COG5: variants seen among roughly 807,000 people sequenced by gnomAD.
The protein encoded by COG5 is conserved oligomeric Golgi complex subunit 5.
A neutral mutation model predicts 110.4 loss-of-function variants in COG5; 86 were observed. The observed-to-expected ratio is 0.78, with a 90% CI of 0.65 to 0.93. COG5 has a LOEUF of 0.93. Among genes scored for constraint, COG5 ranks in the 40% least tolerant of loss-of-function variants. COG5 has a pLI of 0.00. For synonymous variants in COG5, 360 were observed against 334.6 expected (o/e 1.08, Z -0.83); for missense variants, 1,077 against 987.0 (o/e 1.09, Z -1.22).
At chr7:107,489,722 C>A (rs1478902058) in intron 6 of COG5, among the ~76,000 whole-genome samples, 1 of 152,104 alleles carries the variant, frequency 6.6e-6, no homozygotes, top group Non-Finnish European at 1.5e-5. Flanking sequence ...AGAAAGCCTC[C>A]CAGTCATATC....
chr7:107,460,248 C>T (rs1795905910), intron 6 of COG5, among the ~76,000 whole-genome samples: 1 of 151,852 alleles, frequency 6.6e-6, no homozygotes, highest in Admixed American at 6.6e-5. Flanking sequence ...ACAAAAAATA[C>T]AAAAATTAGC....
chr7:107,306,904 C>A (rs565382624), intron 11 of COG5, among the ~76,000 whole-genome samples: 3 of 152,284 alleles, frequency 2.0e-5, no homozygotes, highest in African/African-American at 7.2e-5. Flanking sequence ...TTTCTGTTCT[C>A]TGTTTCATCC....
rs763510655 is a variant in COG5 at position 107,236,547 on chromosome 7, A to T, written c.1994T>A (p.Ile665Asn). 13 of 1,614,082 alleles carry T rather than the reference A, an allele frequency of 8.1e-6. No individual in the cohort carries two copies. Among genetic ancestry groups the T allele is most frequent in the Non-Finnish European group, 1.1e-5 (13 of 1,180,020 alleles). Residue 665 changes from isoleucine (I) to asparagine (N), a missense_variant, in exon 18 of 22, where the codon ATT becomes AAT. Coordinates refer to ENST00000297135, the MANE Select transcript of COG5 (RefSeq NM_006348.5). ...AAAAAGTTCAACAGCTCTTTGGGCA[A>T]TAGCCTCAGTGTTGTCAAAGACAAA... ...LDFVFDNTEAIAQRAVELFIR... is the reference protein window; with the variant it reads ...LDFVFDNTEANAQRAVELFIR...
chr7:107,270,823 C>G (rs539322767), intron 14 of COG5, among the ~76,000 whole-genome samples: 24 of 141,662 alleles, frequency 1.7e-4, no homozygotes, highest in African/African-American at 5.3e-4. Flanking sequence ...GTTTCTCTTT[C>G]AATGTTCCAT....
At chr7:107,252,363 C>T (rs1436171167) in intron 16 of COG5, among the ~76,000 whole-genome samples, 3 of 152,152 alleles carry the variant, frequency 2.0e-5, no homozygotes, top group Non-Finnish European at 2.9e-5. Context: ...ATAGATAACA[C>T]AAATAGCCCT....
intron 10 of COG5, among the ~76,000 whole-genome samples, chr7:107,339,220 T>TGTG (rs1810974652): frequency 6.6e-6 from 1 of 152,106 alleles, no homozygotes; most frequent in Non-Finnish European, 1.5e-5. Context: ...CAGAGGTCAC[T>TGTG]GTTCTTAGGT....
intron 11 of COG5, among the ~76,000 whole-genome samples, chr7:107,320,605 G>A (rs957200367): frequency 6.6e-6 from 1 of 152,196 alleles, no homozygotes; most frequent in African/African-American, 2.4e-5. Context: ...CTTTCTGGTT[G>A]TCCAAGTCTA....
At chr7:107,503,767 G>A (rs1179698751) in intron 6 of COG5, among the ~76,000 whole-genome samples, 1 of 152,062 alleles carries the variant, frequency 6.6e-6, no homozygotes, top group Non-Finnish European at 1.5e-5. Context: ...GATGCAAAAG[G>A]GGCTAAGTTC....
At position 107,261,204 on chromosome 7, in the gene COG5, T is replaced by A. The variant is rs529468981; in HGVS notation, c.1576-2821A>T. Among the ~76,000 whole-genome samples, 11 of 152,274 alleles carry A rather than the reference T, an allele frequency of 7.2e-5. No individual in the cohort carries two copies. In the East Asian group the frequency reaches 2.1e-3, roughly 29 times the overall value. ...TATAAGTGGACCTATGCAACTGTAA[T>A]CTCAAATTTACAGAAAGTTACAAAA... On this transcript the variant is annotated intron_variant, in intron 14 of 21. Transcript: ENST00000297135.
At chr7:107,551,284 G>T (rs889482103) in intron 3 of COG5, among the ~76,000 whole-genome samples, 46 of 152,120 alleles carry the variant, frequency 3.0e-4, no homozygotes, top group African/African-American at 1.1e-3. Context: ...TTGACAAAAA[G>T]AAGCTTAATA....
intron 6 of COG5, among the ~76,000 whole-genome samples, chr7:107,440,043 T>A (rs1292819719): frequency 6.6e-6 from 1 of 152,144 alleles, no homozygotes; most frequent in African/African-American, 2.4e-5. Context: ...AGTGGAAAGG[T>A]AGGCCGAATT....
At chr7:107,278,867 A>C (rs192510647) in intron 14 of COG5, among the ~76,000 whole-genome samples, 5 of 152,236 alleles carry the variant, frequency 3.3e-5, no homozygotes, top group Non-Finnish European at 7.3e-5. Flanking sequence ...CATTCAGGAC[A>C]CAGGCATGGG....
intron 12 of COG5, among the ~76,000 whole-genome samples, chr7:107,297,426 G>C (rs1806845561): frequency 6.7e-6 from 1 of 149,446 alleles, no homozygotes; most frequent in Non-Finnish European, 1.5e-5. Flanking sequence ...AATACCCAAG[G>C]GATGAGTACA....
rs547346835 is a variant in COG5, at chr7:107,208,630, G to A, written c.2375+1896C>T. 6.0e-5 allele frequency: 59 copies of A among 985,390 alleles called. 1 individual carries two copies. In the African/African-American group the frequency reaches 9.8e-4, roughly 16 times the overall value. 61.0% of individuals were successfully genotyped at this position (985,390 alleles called of 1,614,324 possible). On this transcript the variant is annotated intron_variant, in intron 21 of 21. Coordinates refer to ENST00000297135, the MANE Select transcript of COG5 (RefSeq NM_006348.5). ...CTCACCCAAATCCAAAGCCTTTCCCGAGGGCAGATTTTACCAGGAACATTC... is the reference window on the plus strand; with the variant it reads ...CTCACCCAAATCCAAAGCCTTTCCCAAGGGCAGATTTTACCAGGAACATTC...
At chr7:107,507,153 C>CA (rs1323955135) in intron 6 of COG5, among the ~76,000 whole-genome samples, 1 of 152,226 alleles carries the variant, frequency 6.6e-6, no homozygotes, top group Non-Finnish European at 1.5e-5. Context: ...CTTCCACTCT[C>CA]ACCCTCTGGG....
intron 6 of COG5, among the ~76,000 whole-genome samples, chr7:107,511,595 A>G (rs564007706): frequency 6.6e-6 from 1 of 152,338 alleles, no homozygotes; most frequent in Non-Finnish European, 1.5e-5. Context: ...ACAACAAAAA[A>G]AGAGAGTTTT....
chr7:107,349,712 C>T (rs531962055), intron 10 of COG5, among the ~76,000 whole-genome samples: 2 of 152,282 alleles, frequency 1.3e-5, no homozygotes, highest in South Asian at 4.1e-4. Context: ...CGCCGGCCAC[C>T]ACGCCCGGCT....
chr7:107,364,983 T>C (rs943218092), intron 8 of COG5, among the ~76,000 whole-genome samples: 1 of 152,130 alleles, frequency 6.6e-6, no homozygotes, highest in Non-Finnish European at 1.5e-5. Context: ...TCATATGTTA[T>C]ATAAAGAATG....
chr7:107,230,182 T>C (rs1294966028), intron 19 of COG5, among the ~76,000 whole-genome samples: 1 of 152,132 alleles, frequency 6.6e-6, no homozygotes, highest in African/African-American at 2.4e-5. Context: ...CTTCATTCAA[T>C]AGTTTTATCA....
Sources: allele counts gnomAD v4.1 joint callset (sites outside exome capture counted in the v4.1 genomes callset), GRCh38; gene constraint gnomAD v4.1.1; transcripts MANE v1.5; gene names NCBI Gene and HGNC (gene_info 2026-07-23, HGNC 2026-07-21).